ABCA9: variants seen among roughly 807,000 people sequenced by gnomAD.
ABCA9 encodes ATP binding cassette subfamily A member 9.
ABCA9 carries 183 observed loss-of-function variants against 205.3 expected under a neutral mutation model. That is an observed-to-expected ratio of 0.89 (90% CI 0.79 to 1.01). The LOEUF (loss-of-function observed/expected upper bound fraction) is 1.01, where lower values mean the gene tolerates loss of function less well. Ranked by LOEUF, ABCA9 falls within the 50% of genes least tolerant of loss-of-function variation. ABCA9 has a pLI of 0.00. For missense variants in ABCA9, 1,805 were observed against 1,912.4 expected (o/e 0.94, Z 1.05); for synonymous variants, 651 against 683.3 (o/e 0.95, Z 0.74).
chr17:68,991,669 A>G (rs1307599444), intron 28 of ABCA9, among the ~76,000 whole-genome samples: 1 of 152,172 alleles, frequency 6.6e-6, no homozygotes, highest in East Asian at 1.9e-4. Flanking sequence ...AGTGTTCAAG[A>G]CACATTGGTG....
Position 68,986,167 on chromosome 17 carries a change from G to A in ABCA9, c.4205C>T (p.Thr1402Ile), listed in dbSNP as rs781213290. The A allele has an allele frequency of 4.3e-5, 69 of 1,609,678 alleles. No individual in the cohort carries two copies. Among genetic ancestry groups the A allele is most frequent in the Non-Finnish European group, 5.8e-5 (68 of 1,177,924 alleles). Residue 1402 changes from threonine (T) to isoleucine (I), a missense_variant, in exon 32 of 39, where the codon ACA (threonine) becomes ATA (isoleucine). Transcript: ENST00000340001. ...AGTGCCCCCCAGTCCCAGGTACCGT[G>A]TGATGGCGATCATTGCGTCCCCTTT... ...LRKGDAMIAITRLVDALKLQD... is the reference protein window; with the variant it reads ...LRKGDAMIAIIRLVDALKLQD...
chr17:69,032,049 G>C (rs1020177734), intron 10 of ABCA9, 59 bp downstream of exon 10: 1 of 1,510,198 alleles, frequency 6.6e-7, no homozygotes, highest in African/African-American at 1.4e-5. Flanking sequence ...TGTGTCACCT[G>C]ACAGATCCCC....
intron 36 of ABCA9, 29 bp downstream of exon 36, chr17:68,983,680 C>T: frequency 1.2e-6 from 2 of 1,609,584 alleles, no homozygotes; most frequent in African/African-American, 1.3e-5. Flanking sequence ...AAACCAAGGA[C>T]TGTGATAAAA....
chr17:69,018,710 G>A, intron 19 of ABCA9, 131 bp from the exon 20 acceptor site: 1 of 688,842 alleles, frequency 1.5e-6, no homozygotes, highest in Non-Finnish European at 2.3e-6. Flanking sequence ...ATCATACTTT[G>A]CCCCACTTCC....
Position 68,995,304 on chromosome 17 carries a change from C to T in ABCA9, c.3555+591G>A, listed in dbSNP as rs144284172. On this transcript the variant is annotated intron_variant, in intron 26 of 38. Transcript: ENST00000340001. ...TCCCTGGCTCCATCTCAAATGGATT[C>T]GCTGGCTCCTCCTCTTCACCAACTC... 5.9e-4 allele frequency among the ~76,000 whole-genome samples: 90 copies of T among 152,256 alleles called. 1 individual carries two copies. The highest frequency in any genetic ancestry group is 2.0e-3 in the African/African-American group (82 of 41,540).
chr17:69,065,818 G>A (rs1207210947), upstream of ABCA9, among the ~76,000 whole-genome samples: 2 of 152,118 alleles, frequency 1.3e-5, no homozygotes, highest in Non-Finnish European at 2.9e-5. Flanking sequence ...GGGACCTTGT[G>A]GGAGGTAATT....
chr17:69,017,435 G>A (rs1230919040), intron 21 of ABCA9, among the ~76,000 whole-genome samples: 1 of 152,128 alleles, frequency 6.6e-6, no homozygotes, highest in Non-Finnish European at 1.5e-5. Flanking sequence ...TATTATAGCA[G>A]TGCATTCAAC....
the ABCA9 span, among the ~76,000 whole-genome samples, chr17:69,066,918 T>C: frequency 2.0e-5 from 3 of 152,198 alleles, no homozygotes; most frequent in Non-Finnish European, 2.9e-5. Flanking sequence ...TCTGAACTGA[T>C]GGCTCAAAAC....
Position 69,007,800 on chromosome 17 carries a change from C to A in ABCA9, c.3394G>T (p.Gly1132Trp). ...GACCAAATGCCACTATTTTTTCTCC[C>A]ATTGCGAAAAATGAATGAAATCACA... ...TYVISFIFRN[G>W]RKNSGIWSFF... Residue 1132 changes from glycine to tryptophan, a missense_variant, in exon 25 of 39, where the codon GGG becomes TGG. Gly to Trp is a radical substitution (Grantham distance 184). Coordinates refer to ENST00000340001, the MANE Select transcript of ABCA9 (RefSeq NM_080283.4). The A allele has an allele frequency of 6.2e-7, 1 of 1,610,382 alleles. No individual in the cohort carries two copies. The highest frequency in any genetic ancestry group is 1.1e-5 in the South Asian group (1 of 90,844).
At chr17:68,982,435 A>G (rs1290518762) in intron 37 of ABCA9, 127 bp downstream of exon 37, 2 of 716,368 alleles carry the variant, frequency 2.8e-6, no homozygotes, top group African/African-American at 3.5e-5. Context: ...CTGGATTAGC[A>G]GTCTTAGTAA....
At chr17:68,984,314 G>T in intron 34 of ABCA9, 139 bp from the exon 35 acceptor site, 1 of 1,134,580 alleles carries the variant, frequency 8.8e-7, no homozygotes. Flanking sequence ...GTGTAGGGAT[G>T]ACAGGCACGG....
chr17:69,031,948 GT>G (rs1438969522), intron 10 of ABCA9, among the ~76,000 whole-genome samples, 159 bp downstream of exon 10: 1 of 152,178 alleles, frequency 6.6e-6, no homozygotes, highest in Non-Finnish European at 1.5e-5. Flanking sequence ...AGAAAATAGA[GT>G]GCTATGAAGG....
chr17:69,021,837 CATCT>C lies in ABCA9; in HGVS notation c.2302_2305del (p.Arg768ValfsTer13). On this transcript the variant is annotated frameshift_variant, in exon 18 of 39. Transcript: ENST00000340001. LOFTEE classifies it high-confidence loss of function. ...ATAATCCTCAATGCCTTGGTTAGAA[CATCT>C]ATCAAGATCCCTGTAAAGTTCTAAA... 6.4e-7 allele frequency: 1 copy of C among 1,569,016 alleles called. No homozygotes were observed. The highest frequency in any genetic ancestry group is 8.7e-7 in the Non-Finnish European group (1 of 1,150,514).
chr17:68,993,198 A>T (rs1319494148), intron 26 of ABCA9, 114 bp from the exon 27 acceptor site: 1 of 805,022 alleles, frequency 1.2e-6, no homozygotes, highest in South Asian at 1.6e-5. Flanking sequence ...ATTCGACCTG[A>T]TGCTCCCTTG....
chr17:69,025,494 A>G (rs1341393007), intron 16 of ABCA9, among the ~76,000 whole-genome samples: 3 of 152,176 alleles, frequency 2.0e-5, no homozygotes, highest in Non-Finnish European at 4.4e-5. Flanking sequence ...ACTATGAAAC[A>G]TAGCTAGAGA....
rs772542956 is a variant in ABCA9, at chr17:69,028,655, T to C, written c.1505-10A>G. The C allele has an allele frequency of 1.6e-6, 2 of 1,222,762 alleles. No homozygotes were observed. The highest frequency in any genetic ancestry group is 3.0e-5 in the South Asian group (2 of 65,758). The allele number at this position is 1,222,762 out of a possible 1,614,324, so 75.7% of individuals were successfully genotyped here. ...ATGTCAAACACCACACCTGGCATGATTTTAAAAAAAATTACACTCAGAGCC... is the reference window on the plus strand; with the variant it reads ...ATGTCAAACACCACACCTGGCATGACTTTAAAAAAAATTACACTCAGAGCC... On this transcript the variant is annotated splice_polypyrimidine_tract_variant and intron_variant, in intron 11 of 38. Coordinates refer to ENST00000340001, the MANE Select transcript of ABCA9 (RefSeq NM_080283.4).
intron 26 of ABCA9, among the ~76,000 whole-genome samples, chr17:68,994,242 G>A (rs2069546315): frequency 6.6e-6 from 1 of 152,150 alleles, no homozygotes; most frequent in Non-Finnish European, 1.5e-5. Flanking sequence ...TTTGGAATTG[G>A]AGAACCTCTA....
chr17:69,035,584 C>A, intron 7 of ABCA9, 76 bp downstream of exon 7: 1 of 1,555,986 alleles, frequency 6.4e-7, no homozygotes, highest in South Asian at 1.2e-5. Context: ...GAGGTGAGAC[C>A]AGAATTAGTG....
the ABCA9 span, among the ~76,000 whole-genome samples, chr17:69,070,755 T>C: frequency 1.3e-5 from 2 of 152,080 alleles, no homozygotes; most frequent in Admixed American, 6.5e-5. Context: ...GTTCACTCCC[T>C]GGAAAGGGGG....
Sources: allele counts gnomAD v4.1 joint callset (sites outside exome capture counted in the v4.1 genomes callset), GRCh38; gene constraint gnomAD v4.1.1; transcripts MANE v1.5; gene names NCBI Gene and HGNC (gene_info 2026-07-23, HGNC 2026-07-21).